RPL18: variants seen among roughly 807,000 people sequenced by gnomAD.
The protein encoded by RPL18 is ribosomal protein L18.
Under a neutral mutation model 25.0 loss-of-function variants are expected in RPL18, and 4 were observed. The observed-to-expected ratio is 0.16, with a 90% CI of 0.08 to 0.37. The LOEUF is 0.37. Among genes scored for constraint, RPL18 ranks in the 10% least tolerant of loss-of-function variants. The pLI is 1.00. For missense variants in RPL18, 179 were observed against 267.9 expected, an observed-to-expected ratio of 0.67 and a Z score of 2.32; for synonymous variants, 129 against 101.6, an observed-to-expected ratio of 1.27 and a Z score of -1.62.
Position 48,615,773 on chromosome 19 carries a change from G to A in RPL18, c.491+104C>T, listed in dbSNP as rs1212239353. The A allele has an allele frequency of 2.9e-6, 3 of 1,018,104 alleles. No homozygotes were observed. In the African/African-American group the frequency reaches 4.8e-5, roughly 16 times the overall value. 63.1% of individuals were successfully genotyped at this position (1,018,104 alleles called of 1,614,324 possible). A position where few individuals can be genotyped will look rare whatever the true frequency, so the allele number is the denominator to read the frequency against. On this transcript the variant is annotated intron_variant, in intron 6 of 6. Coordinates refer to ENST00000549920, the MANE Select transcript of RPL18 (RefSeq NM_000979.4). ...GCAGCTGAGAGTTCCAGAAGGCCTG[G>A]GGCTGGCTGGTACGAGGGATAGGAG... is the stretch of plus-strand genomic sequence containing the variant.
intron 4 of RPL18, 37 bp from the exon 5 acceptor site, chr19:48,616,239 G>A: frequency 6.2e-7 from 1 of 1,609,410 alleles, no homozygotes; most frequent in Admixed American, 1.7e-5. Flanking sequence ...TCAGACCCCT[G>A]CGTGGTCACC....
intron 2 of RPL18, 158 bp from the exon 3 acceptor site, chr19:48,617,581 G>A: frequency 1.4e-6 from 1 of 701,196 alleles, no homozygotes; most frequent in South Asian, 1.8e-5. Context: ...GGTCCTTCCT[G>A]GCCAAGGACC....
chr19:48,616,188 G>A lies in RPL18; in HGVS notation c.312C>T (p.Arg104=), dbSNP rs774185847. The change falls in exon 5 of 7, where the codon CGC becomes CGT. Residue 104 remains arginine (R), a synonymous_variant. Coordinates refer to ENST00000549920, the MANE Select transcript of RPL18 (RefSeq NM_000979.4). ...EVPKLKVCAL[R]VTSRARSRIL... ...TGCGGCTGCGGGCCCGGCTGGTCAC[G>A]CGCAGTGCACATACCTGGTGGAGAG... The A allele has an allele frequency of 3.2e-5, 52 of 1,613,678 alleles. No homozygotes were observed. Among genetic ancestry groups the A allele is most frequent in the African/African-American group, 4.0e-5 (3 of 74,926 alleles).
In RPL18 at chr19:48,617,246, T is replaced by C. The variant is rs764943603; in HGVS notation, c.198+70A>G. On this transcript the variant is annotated intron_variant, in intron 3 of 6. Transcript: ENST00000549920. ...TGGTTGCTCCCAGAGCTCCAAGTCC[T>C]GCCTCCCTTCCAGACAGACAAGACC... is the stretch of plus-strand genomic sequence containing the variant. 5 of 1,217,760 alleles carry C rather than the reference T, an allele frequency of 4.1e-6. No individual in the cohort carries two copies. In the South Asian group the frequency reaches 4.8e-5, roughly 12 times the overall value. The allele number at this position is 1,217,760 out of a possible 1,614,324, so 75.4% of individuals were successfully genotyped here. A position where few individuals can be genotyped will look rare whatever the true frequency, so the allele number is the denominator to read the frequency against.
chr19:48,617,276 G>A lies in RPL18; in HGVS notation c.198+40C>T, dbSNP rs746217256. 1.1e-5 allele frequency: 17 copies of A among 1,478,560 alleles called. No individual in the cohort carries two copies. In the East Asian group the frequency reaches 1.6e-4, roughly 14 times the overall value. The allele number at this position is 1,478,560 out of a possible 1,614,324, so 91.6% of individuals were successfully genotyped here. On this transcript the variant is annotated intron_variant, in intron 3 of 6. Transcript: ENST00000549920. ...CCCTTCCAGACAGACAAGACCCAGCGGCTCCCAGGTCTACCGTGCTCTCTG... is the reference window on the plus strand; with the variant it reads ...CCCTTCCAGACAGACAAGACCCAGCAGCTCCCAGGTCTACCGTGCTCTCTG...
At position 48,615,457 on chromosome 19, in the gene RPL18, G is replaced by A. The variant is rs776524410; in HGVS notation, c.492-10C>T. 2.1e-5 allele frequency: 34 copies of A among 1,608,520 alleles called. No individual in the cohort carries two copies. The highest frequency in any genetic ancestry group is 2.8e-5 in the Non-Finnish European group (33 of 1,176,788). ...GGAGCGGACGTAGGGTCTGTGGGGA[G>A]AGGAGGGAGTGAGAGGGGGGCCCTC... On this transcript the variant is annotated splice_polypyrimidine_tract_variant and intron_variant, in intron 6 of 6. Coordinates refer to ENST00000549920, the MANE Select transcript of RPL18 (RefSeq NM_000979.4).
intron 6 of RPL18, 62 bp from the exon 7 acceptor site, chr19:48,615,509 C>T: frequency 8.3e-7 from 1 of 1,209,530 alleles, no homozygotes; most frequent in Non-Finnish European, 1.2e-6. Flanking sequence ...TGGAGTGGCA[C>T]AGGAACACCA....
At position 48,617,421 on chromosome 19, in the gene RPL18, T is replaced by C. The variant is rs1392961105; in HGVS notation, c.93A>G (p.Leu31=). Reference sequence around the variant, plus strand: ...TGGTTCTTCTGGCCAGAAACCTGTATAACTGGAGGGACGGGAAGACAGTGA... The same window carrying C: ...TGGTTCTTCTGGCCAGAAACCTGTACAACTGGAGGGACGGGAAGACAGTGA... The part of the protein sequence containing the change: ...QDIYLRLLVK[L]YRFLARRTNS... Residue 31 remains leucine (L), a splice_region_variant and synonymous_variant, in exon 3 of 7, where the codon TTA becomes TTG. Transcript: ENST00000549920. 1.2e-6 allele frequency: 2 copies of C among 1,612,366 alleles called. No homozygotes were observed. Among genetic ancestry groups the C allele is most frequent in the South Asian group, 2.2e-5 (2 of 91,026 alleles).
Position 48,617,882 on chromosome 19 carries a change from G to C in RPL18, c.4-5C>G. ...GTTATGGCGGATGTCCACTCCCTGTGGGGGTGAAGAGGCAACCATGGACCC... is the reference window on the plus strand; with the variant it reads ...GTTATGGCGGATGTCCACTCCCTGTCGGGGTGAAGAGGCAACCATGGACCC... On this transcript the variant is annotated splice_polypyrimidine_tract_variant and splice_region_variant and intron_variant, in intron 1 of 6. Coordinates refer to ENST00000549920, the MANE Select transcript of RPL18 (RefSeq NM_000979.4). The C allele has an allele frequency of 6.2e-7, 1 of 1,612,520 alleles. No homozygotes were observed. The highest frequency in any genetic ancestry group is 1.1e-5 in the South Asian group (1 of 91,020).
rs775443853 is a variant in RPL18, at chr19:48,615,380, T to C, written c.559A>G (p.Lys187Glu). The C allele has an allele frequency of 6.2e-7, 1 of 1,611,902 alleles. No individual in the cohort carries two copies. Among genetic ancestry groups the C allele is most frequent in the African/African-American group, 1.3e-5 (1 of 74,902 alleles). Reference protein sequence around the residue: ...ARGRRASRGYKN With the variant: ...ARGRRASRGYEN ...GAGAGTAGGATCCAGGGTTAGTTTT[T>C]GTAGCCTCGGCTGGCCCGTCGGCCT... is the stretch of plus-strand genomic sequence containing the variant. The change falls in exon 7 of 7, where the codon AAA becomes GAA. Residue 187 changes from lysine (K) to glutamate (E), a missense_variant. By Grantham distance (56) the Lys-to-Glu change is moderately conservative. Coordinates refer to ENST00000549920, the MANE Select transcript of RPL18 (RefSeq NM_000979.4).
At chr19:48,616,681 G>A in intron 4 of RPL18, 45 bp downstream of exon 4, 1 of 1,306,756 alleles carries the variant, frequency 7.7e-7, no homozygotes, top group Non-Finnish European at 1.1e-6. Context: ...GCACAGCACA[G>A]TACAGCAAGG....
Position 48,617,331 on chromosome 19 carries a change from C to A in RPL18, c.183G>T (p.Leu61=), listed in dbSNP as rs146979605. The part of the protein sequence containing the change: ...LFMSRTNRPP[L]SLSRMIRKMK... ...AGCCACTCACCATCCGGGAAAGGGA[C>A]AGAGGCGGCCGGTTGGTGCGACTCA... The change falls in exon 3 of 7, where the codon CTG becomes CTT. Residue 61 remains leucine, a synonymous_variant. Coordinates refer to ENST00000549920, the MANE Select transcript of RPL18 (RefSeq NM_000979.4). The A allele has an allele frequency of 9.8e-5, 158 of 1,613,950 alleles. No individual in the cohort carries two copies. The highest frequency in any genetic ancestry group is 2.8e-5 in the Non-Finnish European group (33 of 1,179,918).
At chr19:48,618,772 G>A (rs1974268516) in intron 1 of RPL18, 3 of 302,840 alleles carry the variant, frequency 9.9e-6, no homozygotes, top group South Asian at 4.4e-5. Flanking sequence ...ACCCGCCGCG[G>A]CCCCCATCGA....
At chr19:48,617,904 A>C in intron 1 of RPL18, 27 bp from the exon 2 acceptor site, 1 of 1,510,058 alleles carries the variant, frequency 6.6e-7, no homozygotes, top group Non-Finnish European at 9.2e-7. Flanking sequence ...GCAACCATGG[A>C]CCCAATTACC....
chr19:48,617,894 G>A lies in RPL18; in HGVS notation c.4-17C>T, dbSNP rs753013730. The A allele has an allele frequency of 1.6e-5, 25 of 1,598,414 alleles. No homozygotes were observed. The highest frequency in any genetic ancestry group is 2.0e-5 in the Non-Finnish European group (23 of 1,165,880). ...GTCCACTCCCTGTGGGGGTGAAGAGGCAACCATGGACCCAATTACCCCCAA... is the reference window on the plus strand; with the variant it reads ...GTCCACTCCCTGTGGGGGTGAAGAGACAACCATGGACCCAATTACCCCCAA... On this transcript the variant is annotated splice_polypyrimidine_tract_variant and intron_variant, in intron 1 of 6. Coordinates refer to ENST00000549920, the MANE Select transcript of RPL18 (RefSeq NM_000979.4).
intron 4 of RPL18, 123 bp downstream of exon 4, chr19:48,616,603 G>A (rs1370525297): frequency 2.5e-6 from 2 of 799,046 alleles, no homozygotes; most frequent in Middle Eastern, 2.4e-4. Flanking sequence ...CAGACAGGCA[G>A]GATGCTTGCC....
At position 48,619,158 on chromosome 19, in the gene RPL18, C is replaced by T. The variant is rs1424944187; in HGVS notation, c.-15G>A. 3 of 1,571,506 alleles carry T rather than the reference C, an allele frequency of 1.9e-6. No individual in the cohort carries two copies. The East Asian group carries it at 7.0e-5, about 36-fold the overall frequency. ...GAGCTCACCATGATGGCGCCTCCTG[C>T]TCGGCCAGGTCCGGAAAGAGAGAAC... On this transcript the variant is annotated 5_prime_UTR_variant, in exon 1 of 7. Coordinates refer to ENST00000549920, the MANE Select transcript of RPL18 (RefSeq NM_000979.4).
chr19:48,616,960 G>A lies in RPL18; in HGVS notation c.199-136C>T, dbSNP rs1279795072. The A allele has an allele frequency of 9.6e-6, 7 of 730,450 alleles. 1 individual carries two copies. Among genetic ancestry groups the A allele is most frequent in the South Asian group, 8.6e-5 (6 of 69,890 alleles). 45.2% of individuals were successfully genotyped at this position (730,450 alleles called of 1,614,324 possible). On this transcript the variant is annotated intron_variant, in intron 3 of 6. Transcript: ENST00000549920. Reference sequence around the variant, plus strand: ...ACACCACACCCCTTAAACCCCACAGGCCTCTCCTCAGGTCCAGCTGGGGAA... The same window carrying A: ...ACACCACACCCCTTAAACCCCACAGACCTCTCCTCAGGTCCAGCTGGGGAA...
chr19:48,616,604 G>GA (rs1343899036), intron 4 of RPL18, 122 bp downstream of exon 4: 1 of 801,634 alleles, frequency 1.2e-6, no homozygotes, highest in Admixed American at 1.8e-5. Context: ...AGACAGGCAG[G>GA]ATGCTTGCCT....
Sources: allele counts gnomAD v4.1 joint callset, GRCh38; gene constraint gnomAD v4.1.1; transcripts MANE v1.5; gene names NCBI Gene and HGNC (gene_info 2026-07-23, HGNC 2026-07-21).